The following CDH13 variants were observed in gnomAD, a reference collection of about 807,000 sequenced individuals.
CDH13 encodes cadherin 13, also known as cadherin-13.
CDH13 carries 24 observed loss-of-function variants against 63.8 expected under a neutral mutation model. That is an observed-to-expected ratio of 0.38 (90% CI 0.27 to 0.53). The LOEUF (loss-of-function observed/expected upper bound fraction) is 0.53, where lower values mean the gene tolerates loss of function less well. CDH13 is among the 20% of genes least tolerant of loss of function. The probability of loss-of-function intolerance (pLI) is 0.85; values close to 1 mark genes in which losing one functional copy is unlikely to be tolerated. For missense variants in CDH13, 1,049 were observed against 903.1 expected (o/e 1.16, Z -2.07); for synonymous variants, 503 against 355.3 (o/e 1.42, Z -4.67).
At chr16:83,059,684 A>T (rs1408525939) in intron 3 of CDH13, among the ~76,000 whole-genome samples, 1 of 151,650 alleles carries the variant, frequency 6.6e-6, no homozygotes, top group African/African-American at 2.4e-5. Context: ...GTTCCATGAC[A>T]CACATCACAT....
At chr16:83,481,684 TC>T (rs1480529672) in intron 6 of CDH13, among the ~76,000 whole-genome samples, 8 of 152,244 alleles carry the variant, frequency 5.3e-5, no homozygotes, top group Admixed American at 6.5e-5. Context: ...TGGGATGTTT[TC>T]TTCCCCCTTT....
rs1908618993 is a variant in CDH13, at chr16:82,636,072, G to A, written c.45+8935G>A. Among the ~76,000 whole-genome samples, 3 of 152,122 alleles carry A rather than the reference G, an allele frequency of 2.0e-5. No individual in the cohort carries two copies. The South Asian group carries it at 6.2e-4, about 32-fold the overall frequency. On this transcript the variant is annotated intron_variant, in intron 1 of 13. Transcript: ENST00000567109. ...ACCCAGTCCCAGGCAGTTCTTTATA[G>A]CAATGCAAGAATGGACTAAATCCTA...
chr16:82,759,670 C>T (rs932629095), intron 1 of CDH13, among the ~76,000 whole-genome samples: 1 of 151,778 alleles, frequency 6.6e-6, no homozygotes, highest in African/African-American at 2.4e-5. Context: ...TTTGCCTTAA[C>T]AAGAAGCGGC....
chr16:82,999,420 G>A (rs1292630418), intron 2 of CDH13, among the ~76,000 whole-genome samples: 3 of 152,030 alleles, frequency 2.0e-5, no homozygotes, highest in South Asian at 2.1e-4. Context: ...TCTTAACAGG[G>A]AAGAAATATC....
chr16:83,040,633 G>C (rs866795328), intron 3 of CDH13, among the ~76,000 whole-genome samples: 6 of 152,280 alleles, frequency 3.9e-5, no homozygotes, highest in Middle Eastern at 6.8e-3. Flanking sequence ...TGCCCACCCA[G>C]ACTGAGGGTG....
intron 6 of CDH13, among the ~76,000 whole-genome samples, chr16:83,436,269 T>A (rs781598486): frequency 5.9e-5 from 9 of 152,244 alleles, no homozygotes; most frequent in Non-Finnish European, 1.2e-4. Flanking sequence ...TGGGGCAATT[T>A]CGCTACATAT....
chr16:82,664,287 G>C (rs1198246521), intron 1 of CDH13, among the ~76,000 whole-genome samples: 1 of 152,246 alleles, frequency 6.6e-6, no homozygotes, highest in Non-Finnish European at 1.5e-5. Flanking sequence ...TAGGAGGGTT[G>C]TTGGAAGACA....
At chr16:83,510,737 AGGGGGTT>A (rs969132033) in intron 7 of CDH13, among the ~76,000 whole-genome samples, 2 of 152,142 alleles carry the variant, frequency 1.3e-5, no homozygotes, top group African/African-American at 4.8e-5. Context: ...TCTAAGCCAA[AGGGGGTT>A]TGGGTTTCTT....
At chr16:82,713,747 C>G (rs2032136594) in intron 1 of CDH13, among the ~76,000 whole-genome samples, 1 of 145,510 alleles carries the variant, frequency 6.9e-6, no homozygotes, top group East Asian at 2.1e-4. Context: ...ACCTAGGTCT[C>G]TGACTAATTC....
At chr16:83,531,358 A>T (rs2075078640) in intron 7 of CDH13, among the ~76,000 whole-genome samples, 2 of 152,164 alleles carry the variant, frequency 1.3e-5, no homozygotes, top group Non-Finnish European at 2.9e-5. Flanking sequence ...GATAGACTAA[A>T]AGATGGCTCC....
chr16:83,053,587 C>G (rs1301124086), intron 3 of CDH13, among the ~76,000 whole-genome samples: 1 of 151,780 alleles, frequency 6.6e-6, no homozygotes, highest in African/African-American at 2.4e-5. Context: ...TTAGATAGAC[C>G]TTGAATGGAA....
intron 7 of CDH13, among the ~76,000 whole-genome samples, chr16:83,494,995 T>A (rs1205751167): frequency 2.6e-5 from 4 of 152,164 alleles, no homozygotes; most frequent in Non-Finnish European, 4.4e-5. Context: ...ACTTTTTTTT[T>A]AAAGGGCCAA....
At chr16:83,334,398 A>G (rs1597775591) in intron 5 of CDH13, among the ~76,000 whole-genome samples, 1 of 91,980 alleles carries the variant, frequency 1.1e-5, no homozygotes, top group Admixed American at 1.1e-4. Flanking sequence ...CACACACAGA[A>G]TCTCCCTCTG....
intron 3 of CDH13, among the ~76,000 whole-genome samples, chr16:83,071,644 G>A (rs189718109): frequency 1.4e-4 from 21 of 152,322 alleles, no homozygotes; most frequent in African/African-American, 3.1e-4. Context: ...TTTCAGGTAC[G>A]AGCAAGCTGG....
chr16:83,080,077 C>G (rs890753876), intron 3 of CDH13, among the ~76,000 whole-genome samples: 6 of 152,104 alleles, frequency 3.9e-5, no homozygotes, highest in Non-Finnish European at 8.8e-5. Context: ...ATTAGGATCC[C>G]GACAGCAATC....
At chr16:82,934,742 A>T (rs1223166284) in intron 2 of CDH13, among the ~76,000 whole-genome samples, 7 of 152,236 alleles carry the variant, frequency 4.6e-5, no homozygotes, top group Non-Finnish European at 1.5e-5. Flanking sequence ...GGGCAAGGGC[A>T]AAATGCCATC....
chr16:83,065,051 T>TTC (rs1410497038), intron 3 of CDH13, among the ~76,000 whole-genome samples: 7 of 152,028 alleles, frequency 4.6e-5, no homozygotes, highest in African/African-American at 1.4e-4. Flanking sequence ...ATCCTACTGC[T>TTC]TCTAGGAGTT....
At chr16:83,611,956 G>A (rs1274294200) in intron 8 of CDH13, among the ~76,000 whole-genome samples, 1 of 151,948 alleles carries the variant, frequency 6.6e-6, no homozygotes, top group Non-Finnish European at 1.5e-5. Flanking sequence ...TTTGATAGAT[G>A]GCCCATGAAT....
chr16:82,745,546 G>T (rs895946269), intron 1 of CDH13, among the ~76,000 whole-genome samples: 1 of 152,120 alleles, frequency 6.6e-6, no homozygotes, highest in African/African-American at 2.4e-5. Context: ...GGAGGTTGCA[G>T]TGAGCCAAGA....
Sources: allele counts gnomAD v4.1 joint callset (sites outside exome capture counted in the v4.1 genomes callset), GRCh38; gene constraint gnomAD v4.1.1; transcripts MANE v1.5; gene names NCBI Gene and HGNC (gene_info 2026-07-23, HGNC 2026-07-21).